Variants in DLGAP1 observed in about 807,000 individuals in gnomAD.
The protein encoded by DLGAP1 is DLG associated protein 1, also known as disks large-associated protein 1.
In DLGAP1, 11 loss-of-function variants were observed where a neutral mutation model predicts 90.8. The ratio of observed to expected loss-of-function variants is 0.12; its 90% CI spans 0.08 to 0.20. The LOEUF (loss-of-function observed/expected upper bound fraction) is 0.20. Among genes scored for constraint, DLGAP1 ranks in the 10% least tolerant of loss-of-function variants. The pLI, the probability that DLGAP1 is intolerant of heterozygous loss-of-function variation, is 1.00. For synonymous variants in DLGAP1, 558 were observed against 540.7 expected (o/e 1.03, Z -0.44); for missense variants, 1,050 against 1,333.8 (o/e 0.79, Z 3.31).
chr18:3,807,607 G>A (rs2066627418), intron 5 of DLGAP1, among the ~76,000 whole-genome samples: 1 of 152,144 alleles, frequency 6.6e-6, no homozygotes, highest in South Asian at 2.1e-4. Context: ...ATTATTTTAA[G>A]TTTTGGGATA....
At chr18:4,104,053 T>C (rs1239703755) in intron 2 of DLGAP1, among the ~76,000 whole-genome samples, 1 of 152,176 alleles carries the variant, frequency 6.6e-6, no homozygotes, top group Non-Finnish European at 1.5e-5. Context: ...AGAGTTTTGT[T>C]AGCCTTTTCT....
At chr18:4,442,506 C>T (rs973692163) in intron 1 of DLGAP1, among the ~76,000 whole-genome samples, 2 of 152,126 alleles carry the variant, frequency 1.3e-5, no homozygotes, top group Non-Finnish European at 2.9e-5. Context: ...TAACAGGTAT[C>T]TATAATGCAA....
intron 8 of DLGAP1, chr18:3,580,378 C>A: frequency 6.2e-7 from 1 of 1,613,926 alleles, no homozygotes; most frequent in African/African-American, 1.3e-5. Flanking sequence ...AATTTCAGAG[C>A]CACATACCTA....
At chr18:4,019,290 T>C (rs2074571190) in intron 2 of DLGAP1, among the ~76,000 whole-genome samples, 1 of 152,182 alleles carries the variant, frequency 6.6e-6, no homozygotes, top group Non-Finnish European at 1.5e-5. Context: ...CAGGGGCTTA[T>C]ATGGTTAATT....
chr18:4,303,646 A>AC (rs1378457281), intron 1 of DLGAP1, among the ~76,000 whole-genome samples: 3 of 152,164 alleles, frequency 2.0e-5, no homozygotes, highest in Non-Finnish European at 4.4e-5. Context: ...CTCCTCCCTA[A>AC]CTCATCATCT....
At position 3,517,480 on chromosome 18, in the gene DLGAP1, AC is replaced by A. The variant is rs566623682; in HGVS notation, c.2480-8820del. ...ATGAACCAACGATTGCTAGCTTCAAACTTTTCTTCTTCAGCTTCCTCACCTC... is the reference window on the plus strand; with the variant it reads ...ATGAACCAACGATTGCTAGCTTCAAATTTTCTTCTTCAGCTTCCTCACCTC... On this transcript the variant is annotated intron_variant, in intron 10 of 12. Transcript: ENST00000315677. This position sits in a 1 kb window ranked among gnomAD's most constrained non-coding sequence, Gnocchi z 4.1. Among the ~76,000 whole-genome samples, 10 of 152,282 alleles carry A rather than the reference AC, an allele frequency of 6.6e-5. No individual in the cohort carries two copies. In the South Asian group the frequency reaches 2.1e-3, roughly 32 times the overall value.
chr18:4,139,988 A>G (rs892609953), intron 2 of DLGAP1, among the ~76,000 whole-genome samples: 4 of 151,792 alleles, frequency 2.6e-5, no homozygotes, highest in Non-Finnish European at 5.9e-5. Context: ...ATTTTAGTCT[A>G]TGTGTGTCTT....
rs1194856386 is a variant in DLGAP1 at position 3,659,441 on chromosome 18, T to TACC, written c.1591+69691_1591+69693dup. ...CACACACACACACACACACGGATGCTACCACCCCCCGCCGCCCCCACCCCC... is the reference window on the plus strand; with the variant it reads ...CACACACACACACACACACGGATGCTACCACCACCCCCCGCCGCCCCCACCCCC... On this transcript the variant is annotated intron_variant, in intron 7 of 12. Coordinates refer to ENST00000315677, the MANE Select transcript of DLGAP1 (RefSeq NM_004746.4). Among the ~76,000 whole-genome samples, 87 of 96,060 alleles carry TACC rather than the reference T, an allele frequency of 9.1e-4. 1 individual carries two copies. Among genetic ancestry groups the TACC allele is most frequent in the African/African-American group, 1.7e-3 (29 of 16,732 alleles). The allele number at this position is 96,060 out of a possible 152,430, so 63.0% of individuals were successfully genotyped here. A position where few individuals can be genotyped will look rare whatever the true frequency, so the allele number is the denominator to read the frequency against.
intron 1 of DLGAP1, among the ~76,000 whole-genome samples, chr18:4,315,004 G>A (rs1047694285): frequency 6.6e-6 from 1 of 152,156 alleles, no homozygotes; most frequent in East Asian, 1.9e-4. Flanking sequence ...TGGGACTTAT[G>A]AAATTTATTA....
At chr18:3,973,290 C>CAAAAAAAAA (rs3031700) in intron 3 of DLGAP1, among the ~76,000 whole-genome samples, 3 of 134,878 alleles carry the variant, frequency 2.2e-5, no homozygotes, top group African/African-American at 5.6e-5. Flanking sequence ...TAGCCATAGC[C>CAAAAAAAAA]AAAAAAAAAA....
intron 7 of DLGAP1, among the ~76,000 whole-genome samples, chr18:3,598,691 C>T (rs185153945): frequency 2.2e-3 from 332 of 152,284 alleles, no homozygotes; most frequent in Admixed American, 4.2e-3. Flanking sequence ...TGGTCTTGAA[C>T]TCCTGACGTC....
At chr18:4,064,239 A>T (rs2075339440) in intron 2 of DLGAP1, among the ~76,000 whole-genome samples, 1 of 152,022 alleles carries the variant, frequency 6.6e-6, no homozygotes, top group African/African-American at 2.4e-5. Context: ...ATCAGTTCTT[A>T]TCACAAAACT....
intron 1 of DLGAP1, among the ~76,000 whole-genome samples, chr18:4,268,161 G>A (rs542921759): frequency 1.3e-5 from 2 of 152,250 alleles, no homozygotes; most frequent in East Asian, 3.9e-4. Context: ...TGTTAGACCA[G>A]CTCTTCTCAG....
At chr18:4,380,148 C>G (rs939588151) in intron 1 of DLGAP1, among the ~76,000 whole-genome samples, 1 of 152,218 alleles carries the variant, frequency 6.6e-6, no homozygotes, top group East Asian at 1.9e-4. Flanking sequence ...ATGAATAGGA[C>G]TTGTAGTTTA....
At chr18:3,970,516 C>T (rs916237180) in intron 3 of DLGAP1, among the ~76,000 whole-genome samples, 1 of 152,120 alleles carries the variant, frequency 6.6e-6, no homozygotes, top group Non-Finnish European at 1.5e-5. Flanking sequence ...CTACAAATTA[C>T]AGCAAATATA....
At chr18:3,735,542 C>CT (rs2062603796) in intron 6 of DLGAP1, among the ~76,000 whole-genome samples, 1 of 152,066 alleles carries the variant, frequency 6.6e-6, no homozygotes, top group South Asian at 2.1e-4. Flanking sequence ...TATTATATGT[C>CT]TAGGTATATG....
intron 1 of DLGAP1, among the ~76,000 whole-genome samples, chr18:4,436,951 TAGA>T (rs1426573430): frequency 6.6e-6 from 1 of 152,244 alleles, no homozygotes; most frequent in Non-Finnish European, 1.5e-5. Context: ...TAAATTTTCC[TAGA>T]AGGTTTAATT....
intron 1 of DLGAP1, among the ~76,000 whole-genome samples, chr18:4,320,822 A>G (rs1428642493): frequency 6.6e-6 from 1 of 152,172 alleles, no homozygotes; most frequent in Non-Finnish European, 1.5e-5. Context: ...CAATTCTGAG[A>G]CGTTTAATGA....
intron 1 of DLGAP1, among the ~76,000 whole-genome samples, chr18:4,411,451 C>T (rs1396709458): frequency 6.6e-6 from 1 of 152,062 alleles, no homozygotes; most frequent in African/African-American, 2.4e-5. Flanking sequence ...TAGGGTATAG[C>T]GGGCAGAGAA....
Sources: allele counts gnomAD v4.1 joint callset (sites outside exome capture counted in the v4.1 genomes callset), GRCh38; gene constraint gnomAD v4.1.1; non-coding constraint Gnocchi (gnomAD v3.1); transcripts MANE v1.5; gene names NCBI Gene and HGNC (gene_info 2026-07-23, HGNC 2026-07-21).